The following CDK8 variants were observed in gnomAD, a reference collection of about 807,000 sequenced individuals.
CDK8 encodes the protein cyclin-dependent kinase 8.
Under a neutral mutation model 71.5 loss-of-function variants are expected in CDK8, and 29 were observed. The observed-to-expected ratio is 0.41, with a 90% confidence interval of 0.30 to 0.55. The LOEUF is 0.55. Ranked by LOEUF, CDK8 falls within the 20% of genes least tolerant of loss-of-function variation. CDK8 has a pLI of 0.37. For missense variants in CDK8, 288 were observed against 572.6 expected (o/e 0.50, Z 5.07); for synonymous variants, 161 against 192.1 (o/e 0.84, Z 1.34).
At chr13:26,291,813 A>T (rs1368721067) in intron 1 of CDK8, among the ~76,000 whole-genome samples, 1 of 152,174 alleles carries the variant, frequency 6.6e-6, no homozygotes, top group African/African-American at 2.4e-5. Context: ...TAGAACTTCC[A>T]TATACCTTCA....
chr13:26,314,197 AT>A (rs1874409250), intron 1 of CDK8, among the ~76,000 whole-genome samples: 1 of 152,138 alleles, frequency 6.6e-6, no homozygotes, highest in Non-Finnish European at 1.5e-5. Context: ...TTTTGACTTT[AT>A]TTAATTTTTT....
intron 1 of CDK8, among the ~76,000 whole-genome samples, chr13:26,267,137 T>C (rs1377402704): frequency 6.6e-6 from 1 of 152,106 alleles, no homozygotes; most frequent in Non-Finnish European, 1.5e-5. Flanking sequence ...TATCAGATGA[T>C]ACATATGCAT....
chr13:26,354,031 T>C (rs1873792069), intron 4 of CDK8, 151 bp downstream of exon 4: 5 of 643,832 alleles, frequency 7.8e-6, no homozygotes, highest in Non-Finnish European at 1.4e-5. Context: ...CCTAGTAGTG[T>C]TTTTATATAA....
chr13:26,272,692 G>T (rs111946215), intron 1 of CDK8, among the ~76,000 whole-genome samples: 285 of 152,282 alleles, frequency 1.9e-3, no homozygotes, highest in African/African-American at 6.5e-3. Flanking sequence ...GTATTATGTA[G>T]TGTACATAAC....
intron 4 of CDK8, among the ~76,000 whole-genome samples, chr13:26,355,177 G>A (rs1335062574): frequency 6.6e-6 from 1 of 152,184 alleles, no homozygotes; most frequent in Non-Finnish European, 1.5e-5. Context: ...TTGCCTTGTA[G>A]TACATTTGAT....
chr13:26,379,259 G>A (rs1358262777), intron 4 of CDK8, among the ~76,000 whole-genome samples: 2 of 152,218 alleles, frequency 1.3e-5, no homozygotes, highest in South Asian at 2.1e-4. Context: ...TAAAGAGAGA[G>A]TGTTGGGATA....
At chr13:26,323,341 G>C (rs1398835236) in intron 1 of CDK8, among the ~76,000 whole-genome samples, 1 of 4,642 alleles carries the variant, frequency 2.2e-4, no homozygotes, top group Non-Finnish European at 1.9e-3. Context: ...GAGAGAGAGG[G>C]AGAGGGAGAG....
At chr13:26,293,350 C>T (rs1331848236) in intron 1 of CDK8, among the ~76,000 whole-genome samples, 3 of 151,940 alleles carry the variant, frequency 2.0e-5, no homozygotes, top group South Asian at 2.1e-4. Flanking sequence ...CGCCTGTAAT[C>T]GGAGCACTTT....
chr13:26,299,646 CATTCCGG>C (rs1475117575), intron 1 of CDK8, among the ~76,000 whole-genome samples: 6 of 152,162 alleles, frequency 3.9e-5, no homozygotes, highest in Non-Finnish European at 1.5e-5. Context: ...CATGGGGTTT[CATTCCGG>C]GTGTGAGTTG....
chr13:26,389,602 G>A (rs1017916745), intron 6 of CDK8, among the ~76,000 whole-genome samples: 16 of 152,246 alleles, frequency 1.1e-4, no homozygotes, highest in Admixed American at 3.9e-4. Flanking sequence ...ACCGTCGTCT[G>A]GTGTACACCT....
In CDK8 at chr13:26,326,770, G is replaced by A. The variant is rs116754278; in HGVS notation, c.129-10797G>A. ...CAAAGTCATTGGAGTGTGTTCAAGT[G>A]CAGTCTCTGTCTAATGATGCTTCAA... On this transcript the variant is annotated intron_variant, in intron 1 of 12. Coordinates refer to ENST00000381527, the MANE Select transcript of CDK8 (RefSeq NM_001260.3). Among the ~76,000 whole-genome samples the A allele has an allele frequency of 4.0e-3, 616 of 152,296 alleles. 3 individuals carry two copies. Among genetic ancestry groups the A allele is most frequent in the African/African-American group, 0.014 (569 of 41,548 alleles).
rs1875419435 is a variant in CDK8 at position 26,385,221 on chromosome 13, C to T, written c.525C>T (p.Gly175=). 1.2e-6 allele frequency: 2 copies of T among 1,607,980 alleles called. No homozygotes were observed. Among genetic ancestry groups the T allele is most frequent in the Non-Finnish European group, 8.5e-7 (1 of 1,177,758 alleles). The stretch of plus-strand genomic sequence containing the variant: ...TTTATTATTTTACAGCTGACATGGG[C>T]TTTGCCCGATTATTTAATTCACCTT... The part of the protein sequence containing the change: ...ERGRVKIADM[G]FARLFNSPLK... The change falls in exon 6 of 13, where the codon GGC becomes GGT. Residue 175 remains glycine (G), a synonymous_variant. Transcript: ENST00000381527.
At chr13:26,329,377 T>G (rs557639357) in intron 1 of CDK8, among the ~76,000 whole-genome samples, 3 of 151,770 alleles carry the variant, frequency 2.0e-5, no homozygotes. Context: ...TTTTTTAATA[T>G]AATATTTTCT....
intron 1 of CDK8, 74 bp from the exon 2 acceptor site, chr13:26,337,493 A>G (rs1474209141): frequency 1.3e-5 from 7 of 552,410 alleles, no homozygotes; most frequent in Middle Eastern, 5.3e-4. Context: ...ATTTATATTT[A>G]TTTATATTTT....
intron 1 of CDK8, among the ~76,000 whole-genome samples, chr13:26,283,193 A>G (rs1872839679): frequency 6.6e-6 from 1 of 152,208 alleles, no homozygotes; most frequent in Non-Finnish European, 1.5e-5. Context: ...CATAGAACAA[A>G]TGGACTTAAC....
At chr13:26,392,430 C>T (rs951821049) in intron 6 of CDK8, among the ~76,000 whole-genome samples, 8 of 148,440 alleles carry the variant, frequency 5.4e-5, no homozygotes, top group African/African-American at 2.0e-4. Context: ...CGGGTTCAAG[C>T]AATTCTCCTG....
At chr13:26,361,306 G>C (rs1874126671) in intron 4 of CDK8, among the ~76,000 whole-genome samples, 2 of 152,068 alleles carry the variant, frequency 1.3e-5, no homozygotes, top group Admixed American at 6.5e-5. Context: ...GCATTTAACT[G>C]ACCAGTCTAT....
intron 4 of CDK8, among the ~76,000 whole-genome samples, chr13:26,377,370 CTGTT>C (rs1359772483): frequency 1.3e-5 from 2 of 152,324 alleles, no homozygotes; most frequent in South Asian, 2.1e-4. Flanking sequence ...AGGGCAGGAA[CTGTT>C]TGTTTGTGTC....
At chr13:26,402,979 CT>C (rs1593316812) in intron 12 of CDK8, among the ~76,000 whole-genome samples, 2 of 152,118 alleles carry the variant, frequency 1.3e-5, no homozygotes, top group East Asian at 3.9e-4. Flanking sequence ...ATTAAATATG[CT>C]TTGAAAGACA....
Sources: gnomAD v4.1 joint callset for allele counts (sites outside exome capture counted in the v4.1 genomes callset) on GRCh38, gnomAD v4.1.1 for gene constraint, MANE v1.5 for transcripts, NCBI Gene and HGNC (gene_info 2026-07-23, HGNC 2026-07-21) for gene names.